Variants in PRKD1 observed in about 807,000 individuals in gnomAD.
The protein encoded by PRKD1 is serine/threonine-protein kinase D1.
In PRKD1, 63 loss-of-function variants were observed where a neutral mutation model predicts 95.9. That is an observed-to-expected ratio of 0.66 (90% CI 0.54 to 0.81). The LOEUF (loss-of-function observed/expected upper bound fraction) is 0.81, where lower values mean the gene tolerates loss of function less well. Ranked by LOEUF, PRKD1 falls within the 30% of genes least tolerant of loss-of-function variation. The probability of loss-of-function intolerance (pLI) is 0.00; values close to 1 mark genes in which losing one functional copy is unlikely to be tolerated. For synonymous variants in PRKD1, 425 were observed against 423.1 expected (o/e 1.00, Z -0.05); for missense variants, 1,048 against 1,165.3 (o/e 0.90, Z 1.47).
intron 1 of PRKD1, among the ~76,000 whole-genome samples, chr14:29,783,298 A>G (rs1409733080): frequency 6.6e-6 from 1 of 152,160 alleles, no homozygotes; most frequent in African/African-American, 2.4e-5. Context: ...AATGACCTCC[A>G]GTTCCATCCA....
intron 1 of PRKD1, among the ~76,000 whole-genome samples, chr14:29,785,842 T>C (rs1024105105): frequency 7.2e-6 from 1 of 139,192 alleles, no homozygotes; most frequent in Non-Finnish European, 1.5e-5. Context: ...ATAAAATAAA[T>C]AAATAAATAA....
chr14:29,624,828 T>G (rs1879511342), intron 12 of PRKD1, among the ~76,000 whole-genome samples: 1 of 152,152 alleles, frequency 6.6e-6, no homozygotes, highest in African/African-American at 2.4e-5. Context: ...TTAGTTATCA[T>G]CATCATCACC....
At chr14:29,918,148 T>C (rs571558606) in intron 1 of PRKD1, among the ~76,000 whole-genome samples, 1 of 152,122 alleles carries the variant, frequency 6.6e-6, no homozygotes, top group African/African-American at 2.4e-5. Flanking sequence ...TGTGAGATGA[T>C]GGACATGTTA....
intron 1 of PRKD1, among the ~76,000 whole-genome samples, chr14:29,893,279 A>G (rs1894003312): frequency 6.6e-6 from 1 of 152,098 alleles, no homozygotes; most frequent in Non-Finnish European, 1.5e-5. Flanking sequence ...TATTACCAAC[A>G]AAACCAAATT....
chr14:29,607,163 CCTTTAGTTTGATAACTGAA>C (rs1878041966), intron 13 of PRKD1, among the ~76,000 whole-genome samples: 1 of 152,108 alleles, frequency 6.6e-6, no homozygotes, highest in African/African-American at 2.4e-5. Context: ...CCAATGTCCC[CCTTTAGTTTGATAACTGAA>C]AGTTTACAGT....
At chr14:29,821,413 C>G (rs1490249931) in intron 1 of PRKD1, among the ~76,000 whole-genome samples, 3 of 152,158 alleles carry the variant, frequency 2.0e-5, no homozygotes, top group African/African-American at 7.2e-5. Context: ...TCACTAAGGT[C>G]TATTAGTGAG....
Position 29,576,719 on chromosome 14 carries a change from C to T in PRKD1, c.*519G>A, listed in dbSNP as rs575718278. On this transcript the variant is annotated 3_prime_UTR_variant, in exon 18 of 18. Coordinates refer to ENST00000331968, the MANE Select transcript of PRKD1 (RefSeq NM_002742.3). ...GGCAGGCAAAGGATTCAAAACTATACATTAAAACTTGTTCATGCATTTGTG... is the reference window on the plus strand; with the variant it reads ...GGCAGGCAAAGGATTCAAAACTATATATTAAAACTTGTTCATGCATTTGTG... The T allele has an allele frequency of 2.9e-5, 5 of 171,766 alleles. No homozygotes were observed. The highest frequency in any genetic ancestry group is 7.1e-5 in the African/African-American group (3 of 42,014). 10.6% of individuals were successfully genotyped at this position (171,766 alleles called of 1,614,324 possible).
rs568836080 is a variant in PRKD1, at chr14:29,776,429, G to A, written c.265-50755C>T. 4.6e-5 allele frequency among the ~76,000 whole-genome samples: 7 copies of A among 152,222 alleles called. No individual in the cohort carries two copies. The South Asian group carries it at 1.5e-3, about 32-fold the overall frequency. On this transcript the variant is annotated intron_variant, in intron 1 of 17. Transcript: ENST00000331968. The stretch of plus-strand genomic sequence containing the variant: ...TTACACGAATGGCTAACTAGAATAA[G>A]TAGTGTAGAGAAGTCCTTAAATGAC...
In PRKD1 at chr14:29,696,730, T is replaced by C. The variant is rs142402275; in HGVS notation, c.403+28806A>G. Among the ~76,000 whole-genome samples the C allele has an allele frequency of 1.5e-4, 23 of 152,330 alleles. No homozygotes were observed. In the East Asian group the frequency reaches 4.4e-3, roughly 29 times the overall value. On this transcript the variant is annotated intron_variant, in intron 2 of 17. Coordinates refer to ENST00000331968, the MANE Select transcript of PRKD1 (RefSeq NM_002742.3). ...TCACTTTCTATTACTTCAACAATTCTGCTTGAAATATTCAGTCATCTCAAT... is the reference window on the plus strand; with the variant it reads ...TCACTTTCTATTACTTCAACAATTCCGCTTGAAATATTCAGTCATCTCAAT...
chr14:29,790,897 GGT>G (rs1249622385), intron 1 of PRKD1, among the ~76,000 whole-genome samples: 1 of 152,114 alleles, frequency 6.6e-6, no homozygotes, highest in Non-Finnish European at 1.5e-5. Flanking sequence ...GTGTTACAGA[GGT>G]GTACAGGATG....
At chr14:29,889,149 A>G (rs1478223267) in intron 1 of PRKD1, among the ~76,000 whole-genome samples, 1 of 152,154 alleles carries the variant, frequency 6.6e-6, no homozygotes, top group Non-Finnish European at 1.5e-5. Context: ...TTTGGATATA[A>G]GCGTCTAAAG....
intron 2 of PRKD1, among the ~76,000 whole-genome samples, chr14:29,719,724 T>G (rs1594456814): frequency 6.6e-6 from 1 of 152,328 alleles, no homozygotes; most frequent in East Asian, 1.9e-4. Flanking sequence ...AAACCTGTGA[T>G]ATTATGTAAG....
chr14:29,661,280 C>T (rs1442553690), intron 4 of PRKD1, among the ~76,000 whole-genome samples: 6 of 152,062 alleles, frequency 3.9e-5, no homozygotes, highest in African/African-American at 1.4e-4. Context: ...GGTCTAGTGG[C>T]CTTAATGAGC....
chr14:29,667,375 T>G (rs1419372531), intron 2 of PRKD1, among the ~76,000 whole-genome samples: 11 of 152,200 alleles, frequency 7.2e-5, no homozygotes, highest in African/African-American at 2.4e-4. Context: ...ACGAGAATTT[T>G]GGGGAAAACT....
chr14:29,865,252 A>T (rs923159660), intron 1 of PRKD1, among the ~76,000 whole-genome samples: 3 of 152,194 alleles, frequency 2.0e-5, no homozygotes, highest in Non-Finnish European at 4.4e-5. Context: ...AATTACCTCT[A>T]GTCTCCAACA....
At chr14:29,848,187 G>T (rs1892159001) in intron 1 of PRKD1, among the ~76,000 whole-genome samples, 1 of 152,018 alleles carries the variant, frequency 6.6e-6, no homozygotes. Context: ...GCCAAGATGG[G>T]CAAAAAGGAC....
At chr14:29,850,908 C>A (rs1237857767) in intron 1 of PRKD1, among the ~76,000 whole-genome samples, 2 of 145,798 alleles carry the variant, frequency 1.4e-5, no homozygotes, top group Non-Finnish European at 1.5e-5. Context: ...AAAAAAAAAA[C>A]CAATGGGACA....
chr14:29,598,479 GAGA>G (rs1341028972), intron 15 of PRKD1, among the ~76,000 whole-genome samples: 1 of 152,010 alleles, frequency 6.6e-6, no homozygotes, highest in Non-Finnish European at 1.5e-5. Flanking sequence ...CGCTTATTAT[GAGA>G]AGAAGATGAA....
At chr14:29,804,363 CTTTCT>C (rs1417022123) in intron 1 of PRKD1, among the ~76,000 whole-genome samples, 1 of 152,054 alleles carries the variant, frequency 6.6e-6, no homozygotes, top group Admixed American at 6.5e-5. Flanking sequence ...ACTTTTAGTC[CTTTCT>C]TGAGAGCTGA....
Sources: gnomAD v4.1 joint callset for allele counts (sites outside exome capture counted in the v4.1 genomes callset) on GRCh38, gnomAD v4.1.1 for gene constraint, MANE v1.5 for transcripts, NCBI Gene and HGNC (gene_info 2026-07-23, HGNC 2026-07-21) for gene names.